The following BLOC1S5 variants were observed in gnomAD, a reference collection of about 807,000 sequenced individuals.
BLOC1S5 encodes biogenesis of lysosomal organelles complex 1 subunit 5.
BLOC1S5 carries 27 observed loss-of-function variants against 24.3 expected under a neutral mutation model. That is an observed-to-expected ratio of 1.11 (90% CI 0.82 to 1.53). The LOEUF (loss-of-function observed/expected upper bound fraction) is 1.53, where lower values mean the gene tolerates loss of function less well. Among genes scored for constraint, BLOC1S5 ranks in the 40% most tolerant of loss-of-function variants. The pLI is 0.00. For missense variants in BLOC1S5, 239 were observed against 229.4 expected, an observed-to-expected ratio of 1.04 and a Z score of -0.27; for synonymous variants, 84 against 74.5, an observed-to-expected ratio of 1.13 and a Z score of -0.66.
chr6:8,052,622 GT>G (rs139015402), intron 2 of BLOC1S5, among the ~76,000 whole-genome samples: 30,941 of 151,102 alleles, frequency 0.2, 3,422 homozygotes, highest in African/African-American at 0.28. Flanking sequence ...GCCAGGTGCG[GT>G]GGCTCACGCC....
chr6:8,018,346 T>C (rs1474403915), intron 4 of BLOC1S5, among the ~76,000 whole-genome samples: 1 of 152,236 alleles, frequency 6.6e-6, no homozygotes. Flanking sequence ...TTCATCAAAA[T>C]GATATTTAGC....
At chr6:8,020,553 A>G (rs1427027082) in intron 4 of BLOC1S5, among the ~76,000 whole-genome samples, 2 of 152,234 alleles carry the variant, frequency 1.3e-5, no homozygotes, top group Non-Finnish European at 2.9e-5. Flanking sequence ...TTCTCTGGAA[A>G]TCATTCAAGG....
chr6:8,056,298 G>A (rs771050649), intron 2 of BLOC1S5, among the ~76,000 whole-genome samples: 7 of 152,102 alleles, frequency 4.6e-5, no homozygotes, highest in Non-Finnish European at 7.4e-5. Flanking sequence ...CAAGGCTCTC[G>A]CAAGTCCCTC....
At chr6:8,055,106 C>T (rs1362398730) in intron 2 of BLOC1S5, among the ~76,000 whole-genome samples, 3 of 152,162 alleles carry the variant, frequency 2.0e-5, no homozygotes, top group African/African-American at 7.2e-5. Context: ...CTTGCTTCTA[C>T]AATTTTCTTA....
intron 2 of BLOC1S5, among the ~76,000 whole-genome samples, chr6:8,053,454 T>C (rs1227558827): frequency 6.6e-6 from 1 of 152,174 alleles, no homozygotes; most frequent in Non-Finnish European, 1.5e-5. Context: ...GATTCTCCAT[T>C]AGCAAAAAGA....
At chr6:8,061,316 TGTG>T (rs745349867) in intron 2 of BLOC1S5, among the ~76,000 whole-genome samples, 17 of 152,204 alleles carry the variant, frequency 1.1e-4, no homozygotes, top group Non-Finnish European at 2.1e-4. Context: ...ATGATGACGA[TGTG>T]GTATAATCAG....
chr6:8,039,940 G>A (rs1177348086), intron 3 of BLOC1S5, among the ~76,000 whole-genome samples: 1 of 152,210 alleles, frequency 6.6e-6, no homozygotes, highest in African/African-American at 2.4e-5. Flanking sequence ...GTTTAAACAA[G>A]AAAGCAGTTG....
At chr6:8,022,806 G>C (rs1762970014) in intron 4 of BLOC1S5, among the ~76,000 whole-genome samples, 1 of 140,664 alleles carries the variant, frequency 7.1e-6, no homozygotes, top group Admixed American at 6.8e-5. Flanking sequence ...GGATGGTCTC[G>C]ATCTCCTGAC....
chr6:8,028,677 T>C (rs1360157210), intron 3 of BLOC1S5, among the ~76,000 whole-genome samples: 1 of 144,584 alleles, frequency 6.9e-6, no homozygotes, highest in African/African-American at 2.9e-5. Flanking sequence ...TTGTTATGTT[T>C]AGACAGAATA....
chr6:8,015,505 G>A lies in BLOC1S5; in HGVS notation c.*144C>T. ...CTTTAAATATCCAATCAGAATGCCAGTAGAAACTTCTTTCTTCTGATATAA... is the reference window on the plus strand; with the variant it reads ...CTTTAAATATCCAATCAGAATGCCAATAGAAACTTCTTTCTTCTGATATAA... On this transcript the variant is annotated 3_prime_UTR_variant, in exon 5 of 5. Coordinates refer to ENST00000397457, the MANE Select transcript of BLOC1S5 (RefSeq NM_201280.3). 1 of 794,518 alleles carries A rather than the reference G, an allele frequency of 1.3e-6. No homozygotes were observed. Among genetic ancestry groups the A allele is most frequent in the Non-Finnish European group, 1.9e-6 (1 of 528,970 alleles). 49.2% of individuals were successfully genotyped at this position (794,518 alleles called of 1,614,324 possible). A position where few individuals can be genotyped will look rare whatever the true frequency, so the allele number is the denominator to read the frequency against.
intron 2 of BLOC1S5, among the ~76,000 whole-genome samples, chr6:8,051,184 C>CAAAA (rs35217854): frequency 2.9e-5 from 4 of 140,002 alleles, no homozygotes; most frequent in African/African-American, 8.0e-5. Context: ...GATTCCATCT[C>CAAAA]AAAAAAAAAA....
intron 2 of BLOC1S5, among the ~76,000 whole-genome samples, chr6:8,052,106 A>G (rs1764128150): frequency 6.6e-6 from 1 of 150,388 alleles, no homozygotes; most frequent in Non-Finnish European, 1.5e-5. Flanking sequence ...AGCTGGGATT[A>G]CAGGCGCCCG....
intron 3 of BLOC1S5, among the ~76,000 whole-genome samples, chr6:8,037,292 A>G (rs1290934224): frequency 6.6e-6 from 1 of 152,240 alleles, no homozygotes; most frequent in African/African-American, 2.4e-5. Flanking sequence ...AGGATACAAA[A>G]TCAACATACA....
At chr6:8,017,369 C>T (rs370340499) in intron 4 of BLOC1S5, among the ~76,000 whole-genome samples, 1 of 134,044 alleles carries the variant, frequency 7.5e-6, no homozygotes, top group African/African-American at 2.8e-5. Context: ...CAGAGCGAGA[C>T]TCCGTCTCAA....
chr6:8,052,631 G>A (rs935792024), intron 2 of BLOC1S5, among the ~76,000 whole-genome samples: 1 of 151,128 alleles, frequency 6.6e-6, no homozygotes, highest in African/African-American at 2.4e-5. Context: ...GGTGGCTCAC[G>A]CCTGTAATCC....
chr6:8,026,546 G>T, intron 3 of BLOC1S5, 121 bp from the exon 4 acceptor site: 1 of 756,506 alleles, frequency 1.3e-6, no homozygotes, highest in South Asian at 1.8e-5. Context: ...ACTATGCAAA[G>T]AACTGATATT....
At chr6:8,015,894 T>C in intron 4 of BLOC1S5, 66 bp from the exon 5 acceptor site, 1 of 1,399,790 alleles carries the variant, frequency 7.1e-7, no homozygotes, top group Non-Finnish European at 9.7e-7. Context: ...CGTTATCTCT[T>C]GATACTTGGT....
chr6:8,060,752 C>T (rs958317608), intron 2 of BLOC1S5, among the ~76,000 whole-genome samples: 1 of 152,198 alleles, frequency 6.6e-6, no homozygotes, highest in Admixed American at 6.5e-5. Context: ...AAACTCAATA[C>T]AATTTTAAAA....
intron 3 of BLOC1S5, among the ~76,000 whole-genome samples, chr6:8,035,301 T>G (rs1167627580): frequency 6.6e-6 from 1 of 151,222 alleles, no homozygotes; most frequent in Non-Finnish European, 1.5e-5. Flanking sequence ...CAGACACCAC[T>G]GTTCCCCAAA....
Sources: allele counts gnomAD v4.1 joint callset (sites outside exome capture counted in the v4.1 genomes callset), GRCh38; gene constraint gnomAD v4.1.1; transcripts MANE v1.5; gene names NCBI Gene and HGNC (gene_info 2026-07-23, HGNC 2026-07-21).